Variants in SF3A1 observed in about 807,000 individuals in gnomAD.
The protein encoded by SF3A1 is SAP 114.
In SF3A1, 13 loss-of-function variants were observed where a neutral mutation model predicts 89.9. The ratio of observed to expected loss-of-function variants is 0.14; its 90% CI spans 0.09 to 0.23. SF3A1 has a LOEUF of 0.23. Ranked by LOEUF, SF3A1 falls within the 10% of genes least tolerant of loss-of-function variation. SF3A1 has a pLI of 1.00. For missense variants in SF3A1, 604 were observed against 1,022.1 expected (o/e 0.59, Z 5.58); for synonymous variants, 405 against 374.4 (o/e 1.08, Z -0.94).
At chr22:30,348,843 G>GTTTTCC (rs1931499002) in intron 2 of SF3A1, among the ~76,000 whole-genome samples, 1 of 152,236 alleles carries the variant, frequency 6.6e-6, no homozygotes, top group Non-Finnish European at 1.5e-5. Context: ...AGGGGCCCTG[G>GTTTTCC]TTGTCTCCTG....
chr22:30,346,378 C>A lies in SF3A1; in HGVS notation c.327G>T (p.Pro109=). 8 of 1,614,006 alleles carry A rather than the reference C, an allele frequency of 5.0e-6. No individual in the cohort carries two copies. Among genetic ancestry groups the A allele is most frequent in the Non-Finnish European group, 6.8e-6 (8 of 1,179,958 alleles). ...GCATGACCTTGGGGATGGCGGCGGA[C>A]GGCTCCTGAGCCTTCCCTTCCTTGA... The part of the protein sequence containing the change: ...SEFKEGKAQE[P]SAAIPKVMQQ... Residue 109 remains proline, a synonymous_variant, in exon 3 of 16, where the codon CCG becomes CCT. Transcript: ENST00000215793.
chr22:30,354,447 C>T (rs888252585), intron 1 of SF3A1, among the ~76,000 whole-genome samples: 1 of 152,158 alleles, frequency 6.6e-6, no homozygotes, highest in African/African-American at 2.4e-5. Flanking sequence ...TCTTGCTCAC[C>T]ATTCCATTCA....
rs544304013 is a variant in SF3A1, at chr22:30,341,930, AC to A, written c.878-46del. The A allele has an allele frequency of 3.4e-5, 54 of 1,575,200 alleles. No homozygotes were observed. The Admixed American group carries it at 8.9e-4, about 26-fold the overall frequency. On this transcript the variant is annotated intron_variant, in intron 6 of 15. Coordinates refer to ENST00000215793, the MANE Select transcript of SF3A1 (RefSeq NM_005877.6). ...CAAAGGTATTCCTTATCAAAGACCC[AC>A]CTATTTGCCCTGTCTGAGCTCCCCA...
In SF3A1 at chr22:30,346,321, C is replaced by T; in HGVS notation, c.384G>A (p.Leu128=). The T allele has an allele frequency of 6.2e-7, 1 of 1,611,502 alleles. No individual in the cohort carries two copies. The highest frequency in any genetic ancestry group is 8.5e-7 in the Non-Finnish European group (1 of 1,177,734). ...QQQQQTTQQQ[L]PQKVQAQVIQ... is the part of the protein sequence containing the mutation. ...GCACTGGGCTCCAAACCTTCTGGGGCAGCTGCTGCTGGGTGGTCTGCTGCT... is the reference window on the plus strand; with the variant it reads ...GCACTGGGCTCCAAACCTTCTGGGGTAGCTGCTGCTGGGTGGTCTGCTGCT... Residue 128 remains leucine (L), a synonymous_variant, in exon 3 of 16, where the codon CTG becomes CTA. Coordinates refer to ENST00000215793, the MANE Select transcript of SF3A1 (RefSeq NM_005877.6).
At position 30,335,605 on chromosome 22, in the gene SF3A1, TGC is replaced by T; in HGVS notation, c.2208+45_2208+46del. On this transcript the variant is annotated intron_variant, in intron 14 of 15. Transcript: ENST00000215793. ...CAGCTAGAGGAAGCTTTCCCCTGAATGCTTGGTTCCCATGCACCTGATGCCAG... is the reference window on the plus strand; with the variant it reads ...CAGCTAGAGGAAGCTTTCCCCTGAATTTGGTTCCCATGCACCTGATGCCAG... 1.9e-6 allele frequency: 3 copies of T among 1,609,852 alleles called. No individual in the cohort carries two copies. The South Asian group carries it at 3.3e-5, about 18-fold the overall frequency.
intron 1 of SF3A1, 76 bp downstream of exon 1, chr22:30,356,654 G>T: frequency 8.6e-7 from 1 of 1,167,342 alleles, no homozygotes; most frequent in Non-Finnish European, 1.1e-6. Flanking sequence ...ATAGCGGCCG[G>T]CCGCTTATTC....
At position 30,340,457 on chromosome 22, in the gene SF3A1, G is replaced by A. The variant is rs1569171330; in HGVS notation, c.1190-76C>T. 4.2e-6 allele frequency: 6 copies of A among 1,413,342 alleles called. No homozygotes were observed. In the Admixed American group the frequency reaches 7.4e-5, roughly 17 times the overall value. The allele number at this position is 1,413,342 out of a possible 1,614,324, so 87.6% of individuals were successfully genotyped here. On this transcript the variant is annotated intron_variant, in intron 8 of 15. Transcript: ENST00000215793. ...GTTAAGAGGGTGGTATTTCATGCGT[G>A]CATCATTCATCAAGGCATCTATTCA...
intron 2 of SF3A1, among the ~76,000 whole-genome samples, chr22:30,350,217 T>C (rs1601699762): frequency 6.6e-6 from 1 of 151,498 alleles, no homozygotes; most frequent in South Asian, 2.1e-4. Context: ...AGCCACCTTG[T>C]GGTGGCTGAG....
At chr22:30,335,297 G>C (rs1234909334) in intron 15 of SF3A1, among the ~76,000 whole-genome samples, 170 bp downstream of exon 15, 1 of 152,122 alleles carries the variant, frequency 6.6e-6, no homozygotes, top group Non-Finnish European at 1.5e-5. Flanking sequence ...TGCATTGTTG[G>C]GCACACCTGC....
At chr22:30,349,735 T>C (rs1322754280) in intron 2 of SF3A1, among the ~76,000 whole-genome samples, 3 of 150,422 alleles carry the variant, frequency 2.0e-5, no homozygotes, top group African/African-American at 4.9e-5. Context: ...GGCATGATCA[T>C]ACCCTTGACC....
intron 11 of SF3A1, among the ~76,000 whole-genome samples, chr22:30,338,583 A>G (rs1931150290): frequency 6.6e-6 from 1 of 151,940 alleles, no homozygotes; most frequent in Middle Eastern, 3.4e-3. Flanking sequence ...CATATTTGCC[A>G]CTTACCTCCC....
chr22:30,336,935 G>A (rs1277250182), intron 13 of SF3A1, 91 bp downstream of exon 13: 7 of 1,481,106 alleles, frequency 4.7e-6, no homozygotes, highest in Non-Finnish European at 9.4e-7. Flanking sequence ...CCAAGACTGG[G>A]AGTGAAATAG....
rs1931087479 is a variant in SF3A1, at chr22:30,337,016, G to A, written c.2106+10C>T. 2 of 1,614,016 alleles carry A rather than the reference G, an allele frequency of 1.2e-6. No individual in the cohort carries two copies. The highest frequency in any genetic ancestry group is 2.7e-5 in the African/African-American group (2 of 74,918). On this transcript the variant is annotated intron_variant, in intron 13 of 15. Transcript: ENST00000215793. Reference sequence around the variant, plus strand: ...GCTAGAAACTTCAGCAGCATTCTGGGATTACATACCTTGTTTCTGCGCAGG... The same window carrying A: ...GCTAGAAACTTCAGCAGCATTCTGGAATTACATACCTTGTTTCTGCGCAGG...
In SF3A1 at chr22:30,335,764, G is replaced by A. The variant is rs776148942; in HGVS notation, c.2107-11C>T. On this transcript the variant is annotated splice_polypyrimidine_tract_variant and intron_variant, in intron 13 of 15. Coordinates refer to ENST00000215793, the MANE Select transcript of SF3A1 (RefSeq NM_005877.6). Reference sequence around the variant, plus strand: ...GATGGACACTGGACCCTACAAAACAGGAGGTGGTCATTATGCCTAGGGAGC... The same window carrying A: ...GATGGACACTGGACCCTACAAAACAAGAGGTGGTCATTATGCCTAGGGAGC... The A allele has an allele frequency of 2.5e-6, 4 of 1,611,018 alleles. No homozygotes were observed. Among genetic ancestry groups the A allele is most frequent in the Admixed American group, 1.7e-5 (1 of 60,020 alleles).
chr22:30,343,698 C>A (rs1043762566), intron 4 of SF3A1, among the ~76,000 whole-genome samples: 1 of 152,194 alleles, frequency 6.6e-6, no homozygotes, highest in East Asian at 1.9e-4. Context: ...GGACCTTTAA[C>A]CCTGGAAGCA....
Position 30,340,236 on chromosome 22 carries a change from G to A in SF3A1, c.1335C>T (p.Ser445=). The change falls in exon 9 of 16, where the codon TCC becomes TCT. Residue 445 remains serine, a synonymous_variant. Coordinates refer to ENST00000215793, the MANE Select transcript of SF3A1 (RefSeq NM_005877.6). ...CATCATCGCTCTGCTTCTCACGGAT[G>A]GAGCGATCCCGCTGCTCCAGCCAGC... ...DPRWLEQRDR[S]IREKQSDDEV... 1.2e-6 allele frequency: 2 copies of A among 1,602,484 alleles called. No homozygotes were observed. The highest frequency in any genetic ancestry group is 1.7e-6 in the Non-Finnish European group (2 of 1,175,380).
chr22:30,343,945 T>C lies in SF3A1; in HGVS notation c.651+988A>G, dbSNP rs145332859. Among the ~76,000 whole-genome samples, 642 of 152,308 alleles carry C rather than the reference T, an allele frequency of 4.2e-3. 4 individuals are homozygous for C. The highest frequency in any genetic ancestry group is 7.1e-3 in the Non-Finnish European group (482 of 68,030). On this transcript the variant is annotated intron_variant, in intron 4 of 15. Coordinates refer to ENST00000215793, the MANE Select transcript of SF3A1 (RefSeq NM_005877.6). The stretch of plus-strand genomic sequence containing the variant: ...ATCTTTGAGGTGTTGTTTCTGGATA[T>C]GAAGAAGAGATGTACAGACCATCCC...
intron 5 of SF3A1, 71 bp from the exon 6 acceptor site, chr22:30,342,421 G>C (rs1485263761): frequency 3.3e-6 from 5 of 1,507,920 alleles, no homozygotes; most frequent in Admixed American, 2.0e-5. Flanking sequence ...ACCACCTCCA[G>C]GGCTTTCATC....
intron 2 of SF3A1, 198 bp downstream of exon 2, chr22:30,352,753 G>C (rs757222058): frequency 7.9e-6 from 4 of 509,002 alleles, no homozygotes; most frequent in African/African-American, 3.8e-5. Context: ...GGCTAAGTGT[G>C]ATTCTCACTT....
Sources: allele counts gnomAD v4.1 joint callset (sites outside exome capture counted in the v4.1 genomes callset), GRCh38; gene constraint gnomAD v4.1.1; transcripts MANE v1.5; gene names NCBI Gene and HGNC (gene_info 2026-07-23, HGNC 2026-07-21).